The following ST8SIA4 variants were observed in gnomAD, a reference collection of about 807,000 sequenced individuals.
The protein encoded by ST8SIA4 is ST8 alpha-N-acetyl-neuraminide alpha-2,8-sialyltransferase 4.
Under a neutral mutation model 33.9 loss-of-function variants are expected in ST8SIA4, and 15 were observed. That is an observed-to-expected ratio of 0.44 (90% CI 0.30 to 0.68). The LOEUF (loss-of-function observed/expected upper bound fraction) is 0.68, where lower values mean the gene tolerates loss of function less well. ST8SIA4 is among the 30% of genes least tolerant of loss of function. The probability of loss-of-function intolerance (pLI) is 0.10; values close to 1 mark genes in which losing one functional copy is unlikely to be tolerated. For missense variants in ST8SIA4, 321 were observed against 428.0 expected (o/e 0.75, Z 2.21); for synonymous variants, 171 against 151.2 (o/e 1.13, Z -0.96).
At chr5:100,816,706 A>G (rs146202202) in intron 4 of ST8SIA4, 1 of 440,012 alleles carries the variant, frequency 2.3e-6, no homozygotes, top group Admixed American at 3.2e-5. Flanking sequence ...CAAAGTTTCC[A>G]TTAATGAGCC....
intron 4 of ST8SIA4, among the ~76,000 whole-genome samples, chr5:100,816,902 A>C (rs1303255635): frequency 6.6e-6 from 1 of 151,442 alleles, no homozygotes; most frequent in Non-Finnish European, 1.5e-5. Context: ...TCCAGTCTGC[A>C]GTAATTTGAG....
At chr5:100,829,978 C>T (rs1437451346) in intron 4 of ST8SIA4, among the ~76,000 whole-genome samples, 1 of 151,218 alleles carries the variant, frequency 6.6e-6, no homozygotes, top group Non-Finnish European at 1.5e-5. Flanking sequence ...GAAAAATGAT[C>T]TTTCCAAAGC....
At chr5:100,878,447 G>A (rs1210811408) in intron 3 of ST8SIA4, among the ~76,000 whole-genome samples, 4 of 152,104 alleles carry the variant, frequency 2.6e-5, no homozygotes, top group African/African-American at 9.7e-5. Context: ...AAAGTGCTGG[G>A]ATTACAAGCA....
At chr5:100,867,460 G>A (rs571431884) in intron 3 of ST8SIA4, among the ~76,000 whole-genome samples, 4 of 151,952 alleles carry the variant, frequency 2.6e-5, no homozygotes, top group Admixed American at 1.3e-4. Flanking sequence ...TAAAAAGAAC[G>A]AAACAACATT....
intron 4 of ST8SIA4, chr5:100,849,176 A>G (rs932919620): frequency 5.1e-6 from 5 of 985,144 alleles, no homozygotes; most frequent in Non-Finnish European, 6.0e-6. Flanking sequence ...TTTTTTTGTG[A>G]CAGTTTGAAT....
intron 1 of ST8SIA4, among the ~76,000 whole-genome samples, chr5:100,898,326 A>G (rs925965136): frequency 1.3e-5 from 2 of 152,136 alleles, no homozygotes; most frequent in Admixed American, 6.5e-5. Flanking sequence ...TAAATAATCT[A>G]TAGATGATTG....
chr5:100,809,449 C>CA lies in ST8SIA4; in HGVS notation c.*2397dup, dbSNP rs35431964. On this transcript the variant is annotated 3_prime_UTR_variant, in exon 5 of 5. Transcript: ENST00000231461. The stretch of plus-strand genomic sequence containing the variant: ...TGTGTGACAGAGTGAGACTCCATCT[C>CA]AAAAAAAAAAAAAAAAGAAAAAAGA... 29,211 of 81,678 alleles carry CA rather than the reference C, an allele frequency of 0.36. 4,161 individuals are homozygous for CA. The highest frequency in any genetic ancestry group is 0.44 in the Non-Finnish European group (19,160 of 44,036). 5.1% of individuals were successfully genotyped at this position (81,678 alleles called of 1,614,324 possible). A position where few individuals can be genotyped will look rare whatever the true frequency, so the allele number is the denominator to read the frequency against.
intron 4 of ST8SIA4, among the ~76,000 whole-genome samples, chr5:100,837,563 G>A (rs1028353455): frequency 2.0e-5 from 3 of 151,984 alleles, no homozygotes; most frequent in African/African-American, 7.3e-5. Context: ...ATGTGCTAGA[G>A]CTGGCCCTTA....
At chr5:100,876,938 G>A (rs570134569) in intron 3 of ST8SIA4, among the ~76,000 whole-genome samples, 28 of 151,952 alleles carry the variant, frequency 1.8e-4, no homozygotes, top group African/African-American at 4.3e-4. Context: ...CCCATTAAAA[G>A]CATTATTTAA....
At chr5:100,841,897 G>C (rs997026524) in intron 4 of ST8SIA4, among the ~76,000 whole-genome samples, 1 of 151,798 alleles carries the variant, frequency 6.6e-6, no homozygotes, top group African/African-American at 2.4e-5. Context: ...AAACTACCTT[G>C]TCACTTCCCT....
intron 1 of ST8SIA4, 101 bp from the exon 2 acceptor site, chr5:100,895,886 T>C: frequency 1.6e-6 from 2 of 1,289,868 alleles, no homozygotes; most frequent in Admixed American, 2.3e-5. Flanking sequence ...GAATTTTAGA[T>C]ACTTTTTCCC....
At chr5:100,814,908 T>C (rs12719316) in intron 4 of ST8SIA4, among the ~76,000 whole-genome samples, 42,458 of 151,846 alleles carry the variant, frequency 0.28, 6,304 homozygotes, top group Non-Finnish European at 0.33. Context: ...TATCTACCTA[T>C]ACACAATTTG....
chr5:100,830,102 A>G (rs2112413594), intron 4 of ST8SIA4, among the ~76,000 whole-genome samples: 1 of 152,338 alleles, frequency 6.6e-6, no homozygotes, highest in Non-Finnish European at 1.5e-5. Flanking sequence ...CACTGAAGAT[A>G]AAATACTTAT....
chr5:100,850,132 A>G (rs1174564450), intron 4 of ST8SIA4, among the ~76,000 whole-genome samples: 1 of 152,188 alleles, frequency 6.6e-6, no homozygotes, highest in African/African-American at 2.4e-5. Flanking sequence ...ATATTACTAC[A>G]CATGGAATCA....
chr5:100,834,186 T>G (rs1751317649), intron 4 of ST8SIA4, among the ~76,000 whole-genome samples: 1 of 152,130 alleles, frequency 6.6e-6, no homozygotes, highest in Non-Finnish European at 1.5e-5. Flanking sequence ...CCATTTTTAA[T>G]AGAATTAGAC....
intron 4 of ST8SIA4, among the ~76,000 whole-genome samples, chr5:100,833,587 G>A (rs192322875): frequency 3.3e-5 from 5 of 152,126 alleles, no homozygotes; most frequent in Admixed American, 2.6e-4. Context: ...AGAAAAATAG[G>A]AGTAATAACA....
At chr5:100,817,704 G>A (rs1750958750) in intron 4 of ST8SIA4, among the ~76,000 whole-genome samples, 1 of 152,168 alleles carries the variant, frequency 6.6e-6, no homozygotes, top group African/African-American at 2.4e-5. Flanking sequence ...AGATAAAGCA[G>A]GGATGATAGT....
intron 3 of ST8SIA4, among the ~76,000 whole-genome samples, chr5:100,862,510 T>C (rs1015322893): frequency 6.6e-6 from 1 of 152,096 alleles, no homozygotes; most frequent in African/African-American, 2.4e-5. Flanking sequence ...CTGATTCTCC[T>C]GCCTCAGCCT....
At chr5:100,812,248 G>T in intron 4 of ST8SIA4, 119 bp from the exon 5 acceptor site, 1 of 722,234 alleles carries the variant, frequency 1.4e-6, no homozygotes. Flanking sequence ...ATATTTTAAA[G>T]AATTACTGAA....
Sources: gnomAD v4.1 joint callset for allele counts (sites outside exome capture counted in the v4.1 genomes callset) on GRCh38, gnomAD v4.1.1 for gene constraint, MANE v1.5 for transcripts, NCBI Gene and HGNC (gene_info 2026-07-23, HGNC 2026-07-21) for gene names.